The following AAMDC variants were observed in gnomAD, a reference collection of about 807,000 sequenced individuals.
The protein encoded by AAMDC is adipogenesis associated Mth938 domain containing.
AAMDC carries 16 observed loss-of-function variants against 15.5 expected under a neutral mutation model. The observed-to-expected ratio is 1.03, with a 90% CI of 0.70 to 1.57. AAMDC has a LOEUF of 1.57. Among genes scored for constraint, AAMDC ranks in the 40% most tolerant of loss-of-function variants. The probability of loss-of-function intolerance (pLI) is 0.00; values close to 1 mark genes in which losing one functional copy is unlikely to be tolerated. For synonymous variants in AAMDC, 51 were observed against 51.6 expected (o/e 0.99, Z 0.05); for missense variants, 141 against 144.9 (o/e 0.97, Z 0.14).
At position 77,826,580 on chromosome 11, in the gene AAMDC, C is replaced by T. The variant is rs568999626; in HGVS notation, c.-19+5339C>T. Among the ~76,000 whole-genome samples, 21 of 152,288 alleles carry T rather than the reference C, an allele frequency of 1.4e-4. No homozygotes were observed. In the South Asian group the frequency reaches 3.9e-3, roughly 29 times the overall value. On this transcript the variant is annotated intron_variant, in intron 1 of 3. Coordinates refer to ENST00000393427, the MANE Select transcript of AAMDC (RefSeq NM_024684.4). The stretch of plus-strand genomic sequence containing the variant: ...TACTGTATTTACATGCCAGTTGCAG[C>T]ATAGTCGCTACCCTGAGCCTCCCAA...
At chr11:77,838,647 C>T (rs979094637) in intron 1 of AAMDC, among the ~76,000 whole-genome samples, 4 of 137,268 alleles carry the variant, frequency 2.9e-5, no homozygotes, top group South Asian at 2.3e-4. Context: ...GACAGAGTCT[C>T]GCTCTTTTGC....
downstream of AAMDC, among the ~76,000 whole-genome samples, chr11:77,904,777 C>A (rs1219857952): frequency 6.6e-6 from 1 of 152,206 alleles, no homozygotes; most frequent in Non-Finnish European, 1.5e-5. Context: ...TTGAAATCCT[C>A]ACATCCAAAT....
intron 5 of AAMDC, among the ~76,000 whole-genome samples, chr11:77,888,352 G>T (rs1952110085): frequency 6.6e-6 from 1 of 152,180 alleles, no homozygotes; most frequent in Non-Finnish European, 1.5e-5. Flanking sequence ...AAATGGTGCT[G>T]GGAAAACTGG....
At chr11:77,852,165 G>A (rs1384047640) in intron 2 of AAMDC, among the ~76,000 whole-genome samples, 1 of 132,422 alleles carries the variant, frequency 7.6e-6, no homozygotes, top group African/African-American at 2.9e-5. Context: ...CTTGTGCCCA[G>A]GAGGTCAAGG....
intron 1 of AAMDC, among the ~76,000 whole-genome samples, chr11:77,824,721 T>A (rs1173741233): frequency 6.6e-6 from 1 of 152,218 alleles, no homozygotes; most frequent in East Asian, 1.9e-4. Context: ...GGAAGGGTAT[T>A]GACTAGAAAG....
intron 1 of AAMDC, among the ~76,000 whole-genome samples, chr11:77,828,342 ATATT>A (rs1347521063): frequency 1.3e-5 from 2 of 152,016 alleles, no homozygotes; most frequent in African/African-American, 4.8e-5. Context: ...GAATCAGAAA[ATATT>A]TAGAGATTTC....
intron 1 of AAMDC, among the ~76,000 whole-genome samples, chr11:77,822,940 G>T (rs1590913354): frequency 6.6e-6 from 1 of 152,174 alleles, no homozygotes; most frequent in Non-Finnish European, 1.5e-5. Flanking sequence ...AATCCGCCGG[G>T]CGCTGTGGCT....
At chr11:77,901,456 A>C, downstream of AAMDC, 1 of 1,613,960 alleles carries the variant, frequency 6.2e-7, no homozygotes, top group East Asian at 2.2e-5. Flanking sequence ...TAAGTTGCAA[A>C]GCTTTGGCCT....
intron 5 of AAMDC, among the ~76,000 whole-genome samples, chr11:77,887,879 C>T (rs1251743252): frequency 6.6e-6 from 1 of 152,074 alleles, no homozygotes; most frequent in South Asian, 2.1e-4. Context: ...ATGTGAAGGA[C>T]CTCTTCAAGG....
chr11:77,849,200 C>A (rs1950269599), intron 2 of AAMDC, among the ~76,000 whole-genome samples: 1 of 151,806 alleles, frequency 6.6e-6, no homozygotes, highest in Non-Finnish European at 1.5e-5. Flanking sequence ...CCATACCTGG[C>A]TAATTTTTTA....
At chr11:77,905,941 GTC>G (rs1282754376) in intron 3 of AAMDC, among the ~76,000 whole-genome samples, 1 of 152,034 alleles carries the variant, frequency 6.6e-6, no homozygotes, top group Non-Finnish European at 1.5e-5. Flanking sequence ...TGTTGTTATT[GTC>G]TGTTTTATTA....
At chr11:77,876,591 T>A (rs1422056634), downstream of AAMDC, among the ~76,000 whole-genome samples, 2 of 152,140 alleles carry the variant, frequency 1.3e-5, no homozygotes, top group African/African-American at 4.8e-5. Flanking sequence ...CCCAAACTCA[T>A]CTAGCCTGGA....
At chr11:77,896,632 T>C (rs1952531720) in intron 5 of AAMDC, among the ~76,000 whole-genome samples, 1 of 133,656 alleles carries the variant, frequency 7.5e-6, no homozygotes, top group Non-Finnish European at 1.6e-5. Context: ...AGCCTGGGCA[T>C]CAAGAGCAAA....
chr11:77,895,467 GGGGGT>G (rs1172553721), intron 5 of AAMDC, among the ~76,000 whole-genome samples: 1 of 147,640 alleles, frequency 6.8e-6, no homozygotes, highest in African/African-American at 2.5e-5. Flanking sequence ...AAATGGGGCC[GGGGGT>G]AGATGGCAAA....
chr11:77,886,860 A>T (rs1346841192), intron 5 of AAMDC, among the ~76,000 whole-genome samples: 1 of 152,204 alleles, frequency 6.6e-6, no homozygotes, highest in Non-Finnish European at 1.5e-5. Flanking sequence ...TGGGTACATA[A>T]CGAAATGAAG....
At chr11:77,902,984 G>A (rs185649303), downstream of AAMDC, among the ~76,000 whole-genome samples, 18 of 152,268 alleles carry the variant, frequency 1.2e-4, no homozygotes, top group African/African-American at 1.7e-4. Context: ...TGGCCAGGCC[G>A]GTCTCAAACT....
chr11:77,878,357 A>C (rs2136341904), intron 5 of AAMDC, among the ~76,000 whole-genome samples: 1 of 150,976 alleles, frequency 6.6e-6, no homozygotes, highest in Admixed American at 6.6e-5. Context: ...GCAAGACTCC[A>C]TCTCAAAAAA....
At chr11:77,900,706 T>C (rs1224923959) in exon 6 of AAMDC, 1 of 676,780 alleles carries the variant, frequency 1.5e-6, no homozygotes, top group Non-Finnish European at 2.7e-6. Context: ...AAAAACACTA[T>C]GGGACACCAT....
At chr11:77,886,533 C>A (rs1331904333) in intron 5 of AAMDC, among the ~76,000 whole-genome samples, 2 of 152,178 alleles carry the variant, frequency 1.3e-5, no homozygotes, top group African/African-American at 2.4e-5. Context: ...GCGGGAGTAA[C>A]TATGACTCTC....
Sources: gnomAD v4.1 joint callset for allele counts (sites outside exome capture counted in the v4.1 genomes callset) on GRCh38, gnomAD v4.1.1 for gene constraint, MANE v1.5 for transcripts, NCBI Gene and HGNC (gene_info 2026-07-23, HGNC 2026-07-21) for gene names.